NRXN1: variants seen among roughly 807,000 people sequenced by gnomAD.
NRXN1 encodes neurexin 1, also known as neurexin-1.
Under a neutral mutation model 150.9 loss-of-function variants are expected in NRXN1, and 39 were observed. That is an observed-to-expected ratio of 0.26 (90% CI 0.20 to 0.34). NRXN1 has a LOEUF of 0.34. NRXN1 is among the 10% of genes least tolerant of loss of function. The pLI is 1.00. For synonymous variants in NRXN1, 924 were observed against 757.0 expected, an observed-to-expected ratio of 1.22 and a Z score of -3.62; for missense variants, 1,815 against 1,949.9, an observed-to-expected ratio of 0.93 and a Z score of 1.30.
At chr2:49,971,548 CAA>C (rs1677964061) in intron 21 of NRXN1, among the ~76,000 whole-genome samples, 1 of 152,054 alleles carries the variant, frequency 6.6e-6, no homozygotes, top group Non-Finnish European at 1.5e-5. Context: ...CTTGATTGTG[CAA>C]AGTCAATGAA....
chr2:50,442,424 A>G (rs533484128), intron 17 of NRXN1, among the ~76,000 whole-genome samples: 3 of 152,224 alleles, frequency 2.0e-5, no homozygotes, highest in African/African-American at 7.2e-5. Flanking sequence ...ACACCTATAC[A>G]CCTATTGCTG....
At chr2:50,771,273 G>A (rs1321445868) in intron 5 of NRXN1, among the ~76,000 whole-genome samples, 1 of 151,934 alleles carries the variant, frequency 6.6e-6, no homozygotes, top group Non-Finnish European at 1.5e-5. Flanking sequence ...ATTACCGTCA[G>A]GATTATTCTC....
intron 2 of NRXN1, among the ~76,000 whole-genome samples, chr2:50,956,868 C>T (rs1360313175): frequency 1.3e-5 from 2 of 152,082 alleles, no homozygotes; most frequent in South Asian, 2.1e-4. Flanking sequence ...GTAATATGGT[C>T]AGCCCCAGTT....
At chr2:50,657,715 C>CA (rs1348055934) in intron 5 of NRXN1, among the ~76,000 whole-genome samples, 1 of 151,748 alleles carries the variant, frequency 6.6e-6, no homozygotes, top group Admixed American at 6.6e-5. Context: ...ATCAAAAAGA[C>CA]AAAAAAGAAG....
At chr2:50,136,495 A>G (rs929438389) in intron 18 of NRXN1, among the ~76,000 whole-genome samples, 4 of 152,152 alleles carry the variant, frequency 2.6e-5, no homozygotes, top group Admixed American at 6.5e-5. Context: ...CTCTAATATC[A>G]CAGCTTGTAA....
At chr2:50,231,524 A>G (rs1052927469) in intron 18 of NRXN1, among the ~76,000 whole-genome samples, 1 of 152,102 alleles carries the variant, frequency 6.6e-6, no homozygotes, top group African/African-American at 2.4e-5. Context: ...CTTGGTTTCA[A>G]AATAAGGCTT....
At chr2:50,076,424 C>A (rs1356806441) in intron 19 of NRXN1, among the ~76,000 whole-genome samples, 2 of 152,186 alleles carry the variant, frequency 1.3e-5, no homozygotes, top group Non-Finnish European at 2.9e-5. Context: ...CAGGTTTTTA[C>A]CAATTTCTAA....
chr2:50,785,878 T>A (rs1327194027), intron 5 of NRXN1, among the ~76,000 whole-genome samples: 3 of 152,102 alleles, frequency 2.0e-5, no homozygotes, highest in African/African-American at 7.2e-5. Context: ...GTCCAACTAC[T>A]ATTATATCCT....
chr2:50,640,942 A>G (rs1467709204), intron 5 of NRXN1, among the ~76,000 whole-genome samples: 1 of 152,162 alleles, frequency 6.6e-6, no homozygotes, highest in Non-Finnish European at 1.5e-5. Flanking sequence ...TTGGGATAAA[A>G]TAAGTAGATA....
chr2:50,605,351 G>A (rs557608287), intron 8 of NRXN1, among the ~76,000 whole-genome samples: 2 of 152,258 alleles, frequency 1.3e-5, no homozygotes, highest in East Asian at 3.9e-4. Context: ...CAGTGCTTAA[G>A]ATACTGTTGG....
intron 5 of NRXN1, among the ~76,000 whole-genome samples, chr2:50,663,118 C>T (rs1687542536): frequency 6.6e-6 from 1 of 152,052 alleles, no homozygotes; most frequent in African/African-American, 2.4e-5. Context: ...TCTTCATCTG[C>T]TTCGCAGTGT....
intron 19 of NRXN1, among the ~76,000 whole-genome samples, chr2:50,088,590 G>C (rs1699127980): frequency 6.6e-6 from 1 of 152,104 alleles, no homozygotes; most frequent in Non-Finnish European, 1.5e-5. Context: ...GTTGAAAGTT[G>C]TATCTGAAAT....
At chr2:50,549,885 C>G (rs1667186434) in intron 9 of NRXN1, among the ~76,000 whole-genome samples, 2 of 151,896 alleles carry the variant, frequency 1.3e-5, no homozygotes, top group East Asian at 1.9e-4. Context: ...GCATGTGTGG[C>G]ATGTATGTAC....
At chr2:50,783,422 G>C (rs762212431) in intron 5 of NRXN1, among the ~76,000 whole-genome samples, 11 of 151,994 alleles carry the variant, frequency 7.2e-5, no homozygotes, top group Non-Finnish European at 1.3e-4. Context: ...TTAAGCTCTC[G>C]GTCTGTGACT....
intron 17 of NRXN1, among the ~76,000 whole-genome samples, chr2:50,330,600 G>A (rs896067104): frequency 1.3e-5 from 2 of 151,936 alleles, no homozygotes; most frequent in Non-Finnish European, 2.9e-5. Context: ...ATTAAGCAAG[G>A]AACCATTTTA....
intron 21 of NRXN1, among the ~76,000 whole-genome samples, chr2:49,974,896 T>G (rs887294876): frequency 2.6e-5 from 4 of 151,846 alleles, no homozygotes; most frequent in African/African-American, 9.7e-5. Context: ...GAAGAACAAA[T>G]GTATTATTCA....
chr2:50,822,238 T>TA (rs1364752732), intron 5 of NRXN1, among the ~76,000 whole-genome samples: 5 of 152,156 alleles, frequency 3.3e-5, no homozygotes, highest in Non-Finnish European at 5.9e-5. Flanking sequence ...AAAATAAATA[T>TA]AGCTTTCCGT....
chr2:50,537,763 T>G (rs1031624028), intron 10 of NRXN1, among the ~76,000 whole-genome samples: 1 of 152,188 alleles, frequency 6.6e-6, no homozygotes, highest in Non-Finnish European at 1.5e-5. Context: ...GGATATTGCC[T>G]CTTTTGTAAG....
At chr2:51,015,133 T>C (rs376370775) in intron 2 of NRXN1, among the ~76,000 whole-genome samples, 6 of 152,212 alleles carry the variant, frequency 3.9e-5, no homozygotes, top group Admixed American at 6.5e-5. Context: ...CAGTTCTCAA[T>C]GTCCTCATTG....
Sources: allele counts gnomAD v4.1 joint callset (sites outside exome capture counted in the v4.1 genomes callset), GRCh38; gene constraint gnomAD v4.1.1; transcripts MANE v1.5; gene names NCBI Gene and HGNC (gene_info 2026-07-23, HGNC 2026-07-21).